The following NETO2 variants were observed in gnomAD, a reference collection of about 807,000 sequenced individuals.
The protein encoded by NETO2 is neuropilin and tolloid like 2.
In NETO2, 28 loss-of-function variants were observed where a neutral mutation model predicts 62.5. That is an observed-to-expected ratio of 0.45 (90% confidence interval 0.33 to 0.61). The LOEUF is 0.61. Ranked by LOEUF, NETO2 falls within the 20% of genes least tolerant of loss-of-function variation. The pLI is 0.02. For synonymous variants in NETO2, 214 were observed against 219.1 expected, an observed-to-expected ratio of 0.98 and a Z score of 0.21; for missense variants, 548 against 643.2, an observed-to-expected ratio of 0.85 and a Z score of 1.60.
intron 7 of NETO2, among the ~76,000 whole-genome samples, chr16:47,103,896 C>T (rs1963612675): frequency 6.6e-6 from 1 of 152,010 alleles, no homozygotes; most frequent in South Asian, 2.1e-4. Context: ...TGACAAAGGC[C>T]ATATATGAAA....
At chr16:47,089,371 T>G (rs534060046) in intron 7 of NETO2, among the ~76,000 whole-genome samples, 1 of 152,330 alleles carries the variant, frequency 6.6e-6, no homozygotes, top group South Asian at 2.1e-4. Flanking sequence ...TTTTAAGGTA[T>G]TTAACCTCCT....
chr16:47,086,645 G>A (rs897764044), intron 7 of NETO2, among the ~76,000 whole-genome samples: 1 of 152,106 alleles, frequency 6.6e-6, no homozygotes. Context: ...GAAAGACAAT[G>A]TTGGCAAGGA....
Position 47,080,895 on chromosome 16 carries a change from T to G in NETO2, c.*2326A>C, listed in dbSNP as rs1471070791. The G allele has an allele frequency of 1.3e-5, 2 of 152,202 alleles. No homozygotes were observed. Among genetic ancestry groups the G allele is most frequent in the Non-Finnish European group, 1.5e-5 (1 of 68,038 alleles). 9.4% of individuals were successfully genotyped at this position (152,202 alleles called of 1,614,324 possible). On this transcript the variant is annotated 3_prime_UTR_variant, in exon 9 of 9. Transcript: ENST00000562435. ...AGGAAATTAGCCTCTGCACATAAGT[T>G]TTTTTACTGTGAAAAGCAAAAAGTG...
At chr16:47,114,618 T>C (rs1038515479) in intron 6 of NETO2, among the ~76,000 whole-genome samples, 16 of 151,420 alleles carry the variant, frequency 1.1e-4, no homozygotes, top group Admixed American at 2.6e-4. Context: ...GCCCAACTAA[T>C]TTTTTGTATT....
chr16:47,103,744 A>C (rs1963607612), intron 7 of NETO2, among the ~76,000 whole-genome samples: 1 of 152,216 alleles, frequency 6.6e-6, no homozygotes, highest in Non-Finnish European at 1.5e-5. Context: ...AAAGTCCACC[A>C]ATTTAATACA....
At chr16:47,136,737 G>C (rs1161459620) in intron 1 of NETO2, among the ~76,000 whole-genome samples, 1 of 152,090 alleles carries the variant, frequency 6.6e-6, no homozygotes, top group African/African-American at 2.4e-5. Flanking sequence ...CATGGTATTT[G>C]AAATCCTTGG....
rs561255499 is a variant in NETO2 at position 47,127,490 on chromosome 16, A to G, written c.481+835T>C. Reference sequence around the variant, plus strand: ...AAGAGTAAATATTACAAGACAAAAGATGCCATTAGGTTAAGGATCTTGAAA... The same window carrying G: ...AAGAGTAAATATTACAAGACAAAAGGTGCCATTAGGTTAAGGATCTTGAAA... On this transcript the variant is annotated intron_variant, in intron 4 of 8. Transcript: ENST00000562435. Among the ~76,000 whole-genome samples, 103 of 152,328 alleles carry G rather than the reference A, an allele frequency of 6.8e-4. 1 individual carries two copies. Among genetic ancestry groups the G allele is most frequent in the African/African-American group, 2.4e-3 (98 of 41,584 alleles).
intron 4 of NETO2, among the ~76,000 whole-genome samples, chr16:47,127,450 CAT>C (rs1029355542): frequency 3.9e-5 from 6 of 151,972 alleles, no homozygotes; most frequent in African/African-American, 1.4e-4. Context: ...CACACACACA[CAT>C]ATAGTTTTTT....
At chr16:47,103,350 T>C (rs1219954478) in intron 7 of NETO2, among the ~76,000 whole-genome samples, 1 of 152,128 alleles carries the variant, frequency 6.6e-6, no homozygotes, top group Non-Finnish European at 1.5e-5. Flanking sequence ...GATGGGTTGA[T>C]GGATGCAGCA....
rs1326260761 is a variant in NETO2 at position 47,122,927 on chromosome 16, A to G, written c.482-15T>C. 1.2e-6 allele frequency: 2 copies of G among 1,612,076 alleles called. No individual in the cohort carries two copies. The highest frequency in any genetic ancestry group is 2.2e-5 in the South Asian group (2 of 90,950). On this transcript the variant is annotated splice_polypyrimidine_tract_variant and intron_variant, in intron 4 of 8. Coordinates refer to ENST00000562435, the MANE Select transcript of NETO2 (RefSeq NM_018092.5). ...AAAGTCTGGATCTGTAACAGAAAAA[A>G]GAAGAAAGTCATTGGTACTGAGATA...
chr16:47,090,783 G>A (rs543527954), intron 7 of NETO2, among the ~76,000 whole-genome samples: 65 of 152,342 alleles, frequency 4.3e-4, no homozygotes, highest in African/African-American at 1.5e-3. Flanking sequence ...CTTTCTTAAA[G>A]AGTGAGGTAT....
At chr16:47,105,032 TTTTTTTTAC>T (rs1275012179) in intron 7 of NETO2, among the ~76,000 whole-genome samples, 1 of 151,684 alleles carries the variant, frequency 6.6e-6, no homozygotes, top group African/African-American at 2.4e-5. Context: ...TTTTTTTTTC[TTTTTTTTAC>T]TTTTTTAAAG....
At chr16:47,117,577 T>C (rs1028076995) in intron 6 of NETO2, among the ~76,000 whole-genome samples, 1 of 152,240 alleles carries the variant, frequency 6.6e-6, no homozygotes, top group African/African-American at 2.4e-5. Context: ...TCTGATTGGA[T>C]AATTTCTACT....
At position 47,083,742 on chromosome 16, in the gene NETO2, T is replaced by C. The variant is rs987850572; in HGVS notation, c.1057A>G (p.Ile353Val). The change falls in exon 9 of 9, where the codon ATT (isoleucine) becomes GTT (valine). Residue 353 changes from isoleucine (I) to valine (V), a missense_variant. Coordinates refer to ENST00000562435, the MANE Select transcript of NETO2 (RefSeq NM_018092.5). ...ITKTHGTIIG[I>V]TSGIVLVLLI... ...AGGACCAAGACAATCCCTGAAGTAA[T>C]GCCAATAATTGTTCCATGAGTCTTA... 2 of 1,613,080 alleles carry C rather than the reference T, an allele frequency of 1.2e-6. No homozygotes were observed. Among genetic ancestry groups the C allele is most frequent in the Non-Finnish European group, 1.7e-6 (2 of 1,179,080 alleles).
Position 47,143,768 on chromosome 16 carries a change from C to G in NETO2, c.-156G>C, listed in dbSNP as rs960371453. On this transcript the variant is annotated 5_prime_UTR_variant, in exon 1 of 9. Coordinates refer to ENST00000562435, the MANE Select transcript of NETO2 (RefSeq NM_018092.5). ...CCTGAGGAGAGCTCAGGTCCTGCGG[C>G]CCGCCATGCCCGAGCCCCACAGTGG... 1.6e-5 allele frequency: 16 copies of G among 1,019,406 alleles called. No homozygotes were observed. In the African/African-American group the frequency reaches 2.5e-4, roughly 16 times the overall value. 63.1% of individuals were successfully genotyped at this position (1,019,406 alleles called of 1,614,324 possible).
Position 47,116,031 on chromosome 16 carries a change from T to C in NETO2, c.655-6320A>G, listed in dbSNP as rs114281651. Among the ~76,000 whole-genome samples the C allele has an allele frequency of 6.0e-3, 911 of 152,148 alleles. 12 individuals carry two copies. Among genetic ancestry groups the C allele is most frequent in the African/African-American group, 0.02 (841 of 41,512 alleles). ...TTCCAATCTGTATGCTTTTTTGTACTGGCTACAACTTCTAGTATAACATTG... is the reference window on the plus strand; with the variant it reads ...TTCCAATCTGTATGCTTTTTTGTACCGGCTACAACTTCTAGTATAACATTG... On this transcript the variant is annotated intron_variant, in intron 6 of 8. Transcript: ENST00000562435.
At chr16:47,087,961 C>T (rs1375157515) in intron 7 of NETO2, among the ~76,000 whole-genome samples, 1 of 152,226 alleles carries the variant, frequency 6.6e-6, no homozygotes, top group Non-Finnish European at 1.5e-5. Flanking sequence ...AGGAAATAAA[C>T]TCCTGGCTTG....
In NETO2 at chr16:47,086,377, G is replaced by T. The variant is rs773193729; in HGVS notation, c.884-38C>A. The T allele has an allele frequency of 3.0e-6, 4 of 1,353,740 alleles. No individual in the cohort carries two copies. In the African/African-American group the frequency reaches 4.3e-5, roughly 15 times the overall value. 83.9% of individuals were successfully genotyped at this position (1,353,740 alleles called of 1,614,324 possible). On this transcript the variant is annotated intron_variant, in intron 7 of 8. Coordinates refer to ENST00000562435, the MANE Select transcript of NETO2 (RefSeq NM_018092.5). ...AAAACAGTGTTGCAAAGAGCAGGCA[G>T]ACCACCTGATTTTATTTCATACATA...
At position 47,128,341 on chromosome 16, in the gene NETO2, T is replaced by C. The variant is rs1033399544; in HGVS notation, c.465A>G (p.Lys155=). The C allele has an allele frequency of 7.4e-6, 12 of 1,613,384 alleles. No homozygotes were observed. The highest frequency in any genetic ancestry group is 1.0e-5 in the Non-Finnish European group (12 of 1,179,726). ...EELEGLGFRA[K]YSFIPDPDFT... is the part of the protein sequence containing the mutation. The stretch of plus-strand genomic sequence containing the variant: ...ATTCTTTACCTGGAATAAATGAATA[T>C]TTTGCTCGAAATCCCAGTCCTTCAA... The change falls in exon 4 of 9, where the codon AAA becomes AAG. Residue 155 remains lysine (K), a synonymous_variant. Coordinates refer to ENST00000562435, the MANE Select transcript of NETO2 (RefSeq NM_018092.5).
Sources: gnomAD v4.1 joint callset for allele counts (sites outside exome capture counted in the v4.1 genomes callset) on GRCh38, gnomAD v4.1.1 for gene constraint, MANE v1.5 for transcripts, NCBI Gene and HGNC (gene_info 2026-07-23, HGNC 2026-07-21) for gene names.